Variants in NAV3 observed in about 807,000 individuals in gnomAD.
NAV3 encodes pore membrane and/or filament interacting like protein 1.
Under a neutral mutation model 244.7 loss-of-function variants are expected in NAV3, and 87 were observed. The ratio of observed to expected loss-of-function variants is 0.36; its 90% confidence interval spans 0.30 to 0.42. The LOEUF is 0.42. NAV3 is among the 20% of genes least tolerant of loss of function. The probability of loss-of-function intolerance (pLI) is 1.00; values close to 1 mark genes in which losing one functional copy is unlikely to be tolerated. For missense variants in NAV3, 2,663 were observed against 2,893.3 expected, an observed-to-expected ratio of 0.92 and a Z score of 1.83; for synonymous variants, 1,126 against 1,042.2, an observed-to-expected ratio of 1.08 and a Z score of -1.55.
At chr12:77,718,248 T>C (rs967707983) in intron 2 of NAV3, among the ~76,000 whole-genome samples, 8 of 152,206 alleles carry the variant, frequency 5.3e-5, no homozygotes, top group East Asian at 1.9e-4. Flanking sequence ...GTTAATTTTT[T>C]GTACTGTGTA....
intron 12 of NAV3, among the ~76,000 whole-genome samples, chr12:78,099,890 CTT>C (rs1041171830): frequency 1.3e-5 from 2 of 151,920 alleles, no homozygotes; most frequent in African/African-American, 4.8e-5. Context: ...ACTAATATCA[CTT>C]ATTACGTTTA....
At chr12:77,913,237 G>A (rs1391771180) in intron 1 of NAV3, among the ~76,000 whole-genome samples, 1 of 151,968 alleles carries the variant, frequency 6.6e-6, no homozygotes, top group Non-Finnish European at 1.5e-5. Context: ...ACTAAAAGAA[G>A]GAATAATGCC....
intron 2 of NAV3, among the ~76,000 whole-genome samples, chr12:77,640,098 T>C (rs1872340630): frequency 6.6e-6 from 1 of 152,190 alleles, no homozygotes; most frequent in Non-Finnish European, 1.5e-5. Flanking sequence ...AGACATCTCC[T>C]CTGTTATACA....
At chr12:77,973,133 T>C (rs1893140936) in intron 5 of NAV3, among the ~76,000 whole-genome samples, 1 of 152,246 alleles carries the variant, frequency 6.6e-6, no homozygotes, top group African/African-American at 2.4e-5. Flanking sequence ...TTAAAATACA[T>C]ACTTTTATCT....
chr12:78,019,562 G>A (rs572303910), intron 8 of NAV3, among the ~76,000 whole-genome samples: 2 of 152,282 alleles, frequency 1.3e-5, no homozygotes, highest in East Asian at 1.9e-4. Flanking sequence ...CCTGATGAGC[G>A]AAATTAGGGA....
chr12:78,079,242 T>C (rs1953223896), intron 12 of NAV3, among the ~76,000 whole-genome samples: 2 of 152,186 alleles, frequency 1.3e-5, no homozygotes, highest in South Asian at 4.1e-4. Context: ...TTTTTATTTT[T>C]AAATGAAAAG....
chr12:78,159,374 A>C, intron 23 of NAV3, 88 bp downstream of exon 23: 1 of 1,222,912 alleles, frequency 8.2e-7, no homozygotes, highest in Admixed American at 1.9e-5. Flanking sequence ...CTTAAAAATA[A>C]TATTCCAGGC....
chr12:77,631,092 C>T (rs1871874748), intron 2 of NAV3, among the ~76,000 whole-genome samples: 1 of 152,216 alleles, frequency 6.6e-6, no homozygotes, highest in African/African-American at 2.4e-5. Flanking sequence ...TTTGCAGTTA[C>T]AGATGTAAGC....
chr12:77,975,677 C>T (rs372592768), intron 5 of NAV3, among the ~76,000 whole-genome samples: 3 of 152,138 alleles, frequency 2.0e-5, no homozygotes, highest in Non-Finnish European at 4.4e-5. Flanking sequence ...AAACATCTAT[C>T]CCAGTTGCGC....
At chr12:77,939,652 A>G (rs1418625929) in intron 1 of NAV3, among the ~76,000 whole-genome samples, 2 of 152,126 alleles carry the variant, frequency 1.3e-5, no homozygotes, top group East Asian at 3.9e-4. Flanking sequence ...TGTTGAAGAG[A>G]CACCTCTATT....
At chr12:77,633,252 A>G (rs1039194955) in intron 2 of NAV3, among the ~76,000 whole-genome samples, 3 of 152,138 alleles carry the variant, frequency 2.0e-5, no homozygotes, top group Non-Finnish European at 2.9e-5. Context: ...ATATTTGACT[A>G]TATTTTTCAC....
At chr12:77,719,905 A>G (rs1223810424) in intron 2 of NAV3, among the ~76,000 whole-genome samples, 1 of 152,064 alleles carries the variant, frequency 6.6e-6, no homozygotes, top group Non-Finnish European at 1.5e-5. Flanking sequence ...TCTTCAGTGA[A>G]GCCATCTTGT....
Position 78,061,489 on chromosome 12 carries a change from A to G in NAV3, c.2636+2374A>G, listed in dbSNP as rs761616283. ...AATTATATAAGTCATTTTTAAAAGA[A>G]TAATTTTAACTTGAGCTGCTTGCAT... On this transcript the variant is annotated intron_variant, in intron 12 of 39. Transcript: ENST00000397909. Among the ~76,000 whole-genome samples the G allele has an allele frequency of 6.6e-5, 10 of 152,128 alleles. 1 individual carries two copies. The highest frequency in any genetic ancestry group is 1.2e-4 in the Non-Finnish European group (8 of 68,008).
intron 19 of NAV3, among the ~76,000 whole-genome samples, chr12:78,137,645 C>A (rs1018124880): frequency 5.3e-5 from 8 of 152,096 alleles, no homozygotes; most frequent in Non-Finnish European, 1.0e-4. Context: ...AAACTATTTT[C>A]CCAGGTGCAT....
In NAV3 at chr12:77,976,485, A is replaced by G. The variant is rs1167450104; in HGVS notation, c.671+7783A>G. ...TAGCCTGTAACGTAGGAAGAAAAGTAGAACTTGATGTCCTGGAAAGCAGGT... is the reference window on the plus strand; with the variant it reads ...TAGCCTGTAACGTAGGAAGAAAAGTGGAACTTGATGTCCTGGAAAGCAGGT... On this transcript the variant is annotated intron_variant, in intron 5 of 39. Transcript: ENST00000397909. 2.0e-5 allele frequency among the ~76,000 whole-genome samples: 3 copies of G among 150,770 alleles called. No homozygotes were observed. The East Asian group carries it at 5.9e-4, about 30-fold the overall frequency.
At chr12:77,955,784 C>T (rs776326487) in intron 3 of NAV3, among the ~76,000 whole-genome samples, 2 of 152,044 alleles carry the variant, frequency 1.3e-5, no homozygotes, top group South Asian at 2.1e-4. Context: ...GCAGGAGGAT[C>T]GTTTGAGCCC....
chr12:78,118,075 A>G lies in NAV3; in HGVS notation c.2818A>G (p.Ser940Gly), dbSNP rs758091524. ...CTCCACCACAGACGAGACCTGGGAT[A>G]GTCCTGAGGAACTGAAAAAACCAGA... ...KRSTTDETWD[S>G]PEELKKPEED... is the part of the protein sequence containing the mutation. Residue 940 changes from serine (S) to glycine (G), a missense_variant, in exon 14 of 40, where the codon AGT becomes GGT. Ser to Gly is a moderately conservative substitution (Grantham distance 56, BLOSUM62 0). Around this residue, in one of 6 missense-constraint regions of NAV3, gnomAD observed 1,521 missense variants for 1,497.0 expected, o/e 1.02. Transcript: ENST00000397909. 6.2e-7 allele frequency: 1 copy of G among 1,614,090 alleles called. No homozygotes were observed. Among genetic ancestry groups the G allele is most frequent in the Admixed American group, 1.7e-5 (1 of 60,024 alleles).
intron 6 of NAV3, among the ~76,000 whole-genome samples, chr12:77,995,943 A>G (rs1013232767): frequency 2.6e-5 from 4 of 151,450 alleles, no homozygotes; most frequent in Admixed American, 1.3e-4. Flanking sequence ...GCTTCATCTC[A>G]TTTCCCTTTT....
chr12:77,966,413 A>C (rs1892518588), intron 4 of NAV3, 112 bp downstream of exon 4: 1 of 853,624 alleles, frequency 1.2e-6, no homozygotes. Context: ...ATGATAAAGG[A>C]AATTGGTGAA....
Sources: gnomAD v4.1 joint callset for allele counts (sites outside exome capture counted in the v4.1 genomes callset) on GRCh38, gnomAD v4.1.1 for gene constraint, gnomAD v4.1.1 regional missense constraint, MANE v1.5 for transcripts, NCBI Gene and HGNC (gene_info 2026-07-23, HGNC 2026-07-21) for gene names.